The following PSMG4 variants were observed in gnomAD, a reference collection of about 807,000 sequenced individuals.
PSMG4 encodes the protein proteasome (prosome, macropain) assembly chaperone 4.
A neutral mutation model predicts 11.0 loss-of-function variants in PSMG4; 10 were observed. The observed-to-expected ratio is 0.91, with a 90% CI of 0.56 to 1.54. PSMG4 has a LOEUF of 1.54. PSMG4 is among the 40% of genes most tolerant of loss of function. The pLI is 0.00. For missense variants in PSMG4, 198 were observed against 160.9 expected, an observed-to-expected ratio of 1.23 and a Z score of -1.25; for synonymous variants, 95 against 71.3, an observed-to-expected ratio of 1.33 and a Z score of -1.68.
chr6:3,261,360 C>G (rs969695840), intron 1 of PSMG4, among the ~76,000 whole-genome samples: 4 of 152,122 alleles, frequency 2.6e-5, no homozygotes, highest in Non-Finnish European at 4.4e-5. Flanking sequence ...CGCATTCTCT[C>G]TTTATCCCAA....
At chr6:3,254,471 A>C (rs369976344), upstream of PSMG4, among the ~76,000 whole-genome samples, 2 of 151,682 alleles carry the variant, frequency 1.3e-5, no homozygotes, top group East Asian at 3.9e-4. Context: ...GTGTCTTTTT[A>C]GATAAATATT....
intron 2 of PSMG4, chr6:3,266,490 C>T (rs1433708289): frequency 1.3e-5 from 2 of 152,124 alleles, no homozygotes; most frequent in East Asian, 1.9e-4. Flanking sequence ...TCTGCACTGG[C>T]CCTGCGTATG....
At chr6:3,254,910 A>G, upstream of PSMG4, 2 of 893,512 alleles carry the variant, frequency 2.2e-6, no homozygotes, top group Non-Finnish European at 3.3e-6. Flanking sequence ...ATGATCTCTG[A>G]GCTGGTGCTT....
chr6:3,262,838 TTTA>T (rs1315990994), intron 1 of PSMG4, among the ~76,000 whole-genome samples: 10 of 138,188 alleles, frequency 7.2e-5, no homozygotes, highest in African/African-American at 2.2e-4. Context: ...ACTTTATTTT[TTTA>T]TTATTATTTT....
At chr6:3,254,924 C>G, upstream of PSMG4, 2 of 1,044,328 alleles carry the variant, frequency 1.9e-6, no homozygotes, top group Non-Finnish European at 2.7e-6. Flanking sequence ...GGTGCTTCAG[C>G]CATTCTCTCA....
At chr6:3,267,443 T>C (rs1417110227) in intron 2 of PSMG4, 148 bp from the exon 3 acceptor site, 1 of 834,792 alleles carries the variant, frequency 1.2e-6, no homozygotes, top group Non-Finnish European at 1.8e-6. Context: ...GCAGCACCTG[T>C]CTGAAGAGAG....
intron 1 of PSMG4, among the ~76,000 whole-genome samples, chr6:3,262,829 C>T (rs1428026532): frequency 1.4e-5 from 2 of 143,468 alleles, no homozygotes; most frequent in South Asian, 2.2e-4. Context: ...GACCTTCTTA[C>T]TTTATTTTTT....
chr6:3,267,938 A>G lies in PSMG4; in HGVS notation c.*226A>G, dbSNP rs548669388. 9.5e-5 allele frequency: 38 copies of G among 400,268 alleles called. No individual in the cohort carries two copies. Among genetic ancestry groups the G allele is most frequent in the Non-Finnish European group, 1.6e-4 (34 of 217,946 alleles). The allele number at this position is 400,268 out of a possible 1,614,324, so 24.8% of individuals were successfully genotyped here. A position where few individuals can be genotyped will look rare whatever the true frequency, so the allele number is the denominator to read the frequency against. The stretch of plus-strand genomic sequence containing the variant: ...ACTTCCTCATTTGGCTGTGAGTGAT[A>G]GAGGGATGAAATGGGATTTTTGTTG... On this transcript the variant is annotated 3_prime_UTR_variant, in exon 3 of 3. Transcript: ENST00000438998.
At chr6:3,254,431 T>C (rs1410098922), upstream of PSMG4, among the ~76,000 whole-genome samples, 1 of 141,420 alleles carries the variant, frequency 7.1e-6, no homozygotes, top group Non-Finnish European at 1.6e-5. Flanking sequence ...GGTATGGCTT[T>C]GTGCTGTAAT....
At chr6:3,254,845 CT>C (rs748020466), upstream of PSMG4, among the ~76,000 whole-genome samples, 1 of 152,200 alleles carries the variant, frequency 6.6e-6, no homozygotes, top group African/African-American at 2.4e-5. Flanking sequence ...TTAGAAAACA[CT>C]TTAACTCAGG....
intron 2 of PSMG4, 131 bp from the exon 3 acceptor site, chr6:3,267,460 A>C: frequency 1.0e-6 from 1 of 1,003,560 alleles, no homozygotes; most frequent in Non-Finnish European, 1.4e-6. Context: ...AGAGGCATGG[A>C]GATTAGAGCT....
At chr6:3,264,185 C>G (rs1362860058) in intron 2 of PSMG4, 4 of 1,551,116 alleles carry the variant, frequency 2.6e-6, no homozygotes, top group Non-Finnish European at 3.5e-6. Context: ...AAGGACTGTC[C>G]TCACTCAGTG....
chr6:3,263,972 T>C, intron 2 of PSMG4: 1 of 1,344,816 alleles, frequency 7.4e-7, no homozygotes, highest in East Asian at 2.6e-5. Context: ...GGCTGGCCTG[T>C]TCCCAAAGGA....
chr6:3,265,698 C>G (rs1441260459), intron 2 of PSMG4: 6 of 152,178 alleles, frequency 3.9e-5, no homozygotes, highest in Non-Finnish European at 7.3e-5. Flanking sequence ...GCCTGCCTAA[C>G]ACAGCTAGGA....
chr6:3,256,952 G>GA (rs1491294302), upstream of PSMG4, among the ~76,000 whole-genome samples: 2 of 72,740 alleles, frequency 2.7e-5, no homozygotes, highest in Non-Finnish European at 9.6e-5. Flanking sequence ...CACAGATAAT[G>GA]AGGGGGGTTC....
chr6:3,254,450 G>GGT (rs1561835615), upstream of PSMG4, among the ~76,000 whole-genome samples: 4 of 67,914 alleles, frequency 5.9e-5, no homozygotes, highest in African/African-American at 1.3e-4. Flanking sequence ...ATAGTTTTCT[G>GGT]CTTTTTTTGT....
intron 2 of PSMG4, chr6:3,264,107 C>T (rs986634556): frequency 9.3e-6 from 14 of 1,506,456 alleles, no homozygotes; most frequent in Non-Finnish European, 1.2e-5. Flanking sequence ...GGTGGTGGCT[C>T]AAGGTAGCCT....
chr6:3,258,881 G>T, upstream of PSMG4: 1 of 831,938 alleles, frequency 1.2e-6, no homozygotes, highest in Non-Finnish European at 1.6e-6. Context: ...GCCCCTCCCC[G>T]ACCACGCCCC....
At chr6:3,258,051 A>T (rs370577445), upstream of PSMG4, among the ~76,000 whole-genome samples, 99 of 133,890 alleles carry the variant, frequency 7.4e-4, 1 homozygote, top group South Asian at 0.025. Flanking sequence ...GTCAGTTGTA[A>T]CAGAATCTGA....
Sources: allele counts gnomAD v4.1 joint callset (sites outside exome capture counted in the v4.1 genomes callset), GRCh38; gene constraint gnomAD v4.1.1; transcripts MANE v1.5; gene names NCBI Gene and HGNC (gene_info 2026-07-23, HGNC 2026-07-21).